Variants in CACNA1C observed in about 807,000 individuals in gnomAD.
The protein encoded by CACNA1C is voltage-dependent L-type calcium channel subunit alpha-1C.
Under a neutral mutation model 229.0 loss-of-function variants are expected in CACNA1C, and 30 were observed. The ratio of observed to expected loss-of-function variants is 0.13; its 90% confidence interval spans 0.10 to 0.18. CACNA1C has a LOEUF of 0.18. Among genes scored for constraint, CACNA1C ranks in the 10% least tolerant of loss-of-function variants. The pLI is 1.00. For synonymous variants in CACNA1C, 1,114 were observed against 1,132.5 expected (o/e 0.98, Z 0.33); for missense variants, 1,658 against 2,845.0 (o/e 0.58, Z 9.49).
In CACNA1C at chr12:2,695,875, C is replaced by G. The variant is rs567385743; in HGVS notation, c.*4676C>G. 6.6e-6 allele frequency: 1 copy of G among 152,284 alleles called. No homozygotes were observed. Among genetic ancestry groups the G allele is most frequent in the African/African-American group, 2.4e-5 (1 of 41,540 alleles). The allele number at this position is 152,284 out of a possible 1,614,324, so 9.4% of individuals were successfully genotyped here. ...GGTTTCTGCCACATCTCTACATTGA[C>G]GGGGGATGCTTGAACAACCCCCCTC... On this transcript the variant is annotated 3_prime_UTR_variant, in exon 47 of 47. Coordinates refer to ENST00000399655, the MANE Select transcript of CACNA1C (RefSeq NM_000719.7).
chr12:1,993,106 T>C, intron 1 of CACNA1C: 1 of 916,838 alleles, frequency 1.1e-6, no homozygotes, highest in Non-Finnish European at 1.8e-6. Flanking sequence ...ATTCCATCAT[T>C]AGGGCATGCA....
intron 3 of CACNA1C, among the ~76,000 whole-genome samples, chr12:2,413,223 A>G (rs2098828006): frequency 6.6e-6 from 1 of 152,080 alleles, no homozygotes; most frequent in African/African-American, 2.4e-5. Context: ...CACCATGTTG[A>G]CCAGGCTGGT....
chr12:2,115,156 CAG>C, intron 1 of CACNA1C, 66 bp from the exon 2 acceptor site: 2 of 1,236,154 alleles, frequency 1.6e-6, no homozygotes, highest in Non-Finnish European at 2.2e-6. Context: ...ATCTGGGGTC[CAG>C]AGAGTGTCGG....
chr12:2,122,839 G>C (rs991279366), intron 3 of CACNA1C, among the ~76,000 whole-genome samples: 2 of 152,204 alleles, frequency 1.3e-5, no homozygotes, highest in African/African-American at 4.8e-5. Flanking sequence ...CTGTGGACCG[G>C]TGCAGCGACC....
intron 3 of CACNA1C, among the ~76,000 whole-genome samples, chr12:2,126,685 AG>A (rs1436602304): frequency 6.6e-6 from 1 of 152,172 alleles, no homozygotes; most frequent in Non-Finnish European, 1.5e-5. Flanking sequence ...CGTCCGTCAG[AG>A]GGGCTTGAGC....
intron 3 of CACNA1C, among the ~76,000 whole-genome samples, chr12:2,129,421 AAG>A (rs1195573443): frequency 3.9e-5 from 6 of 152,202 alleles, no homozygotes; most frequent in Non-Finnish European, 7.3e-5. Context: ...CGGATGGGAA[AAG>A]AGAGATGATG....
At chr12:2,183,886 C>T (rs574488981) in intron 3 of CACNA1C, among the ~76,000 whole-genome samples, 23 of 152,316 alleles carry the variant, frequency 1.5e-4, no homozygotes, top group African/African-American at 4.1e-4. Context: ...GAAAAGTCAG[C>T]GTGGAAAATG....
At chr12:2,308,600 C>A (rs915882392) in intron 3 of CACNA1C, among the ~76,000 whole-genome samples, 1 of 152,196 alleles carries the variant, frequency 6.6e-6, no homozygotes, top group African/African-American at 2.4e-5. Flanking sequence ...GTAGTACAGT[C>A]TGAAATCAGG....
At chr12:2,414,570 C>T (rs948406260) in intron 3 of CACNA1C, among the ~76,000 whole-genome samples, 5 of 152,122 alleles carry the variant, frequency 3.3e-5, no homozygotes, top group African/African-American at 7.2e-5. Context: ...GGAAGGGCAG[C>T]GTCCTTTGAG....
At chr12:2,609,916 GA>G (rs2076908048) in intron 27 of CACNA1C, among the ~76,000 whole-genome samples, 1 of 152,144 alleles carries the variant, frequency 6.6e-6, no homozygotes, top group Admixed American at 6.5e-5. Context: ...TTGAGGCCAG[GA>G]GTTTGAGACC....
chr12:2,039,867 T>C (rs937587041), intron 1 of CACNA1C, among the ~76,000 whole-genome samples: 6 of 151,642 alleles, frequency 4.0e-5, no homozygotes, highest in Non-Finnish European at 2.9e-5. Flanking sequence ...CTTGGGTTCC[T>C]GTGGGGCATC....
intron 3 of CACNA1C, among the ~76,000 whole-genome samples, chr12:2,367,289 G>A (rs1184680862): frequency 6.6e-6 from 1 of 152,220 alleles, no homozygotes; most frequent in Non-Finnish European, 1.5e-5. Flanking sequence ...AACTCAGGGA[G>A]TCATGCTTGC....
chr12:2,230,791 A>G (rs549007034), intron 3 of CACNA1C, among the ~76,000 whole-genome samples: 1 of 152,326 alleles, frequency 6.6e-6, no homozygotes, highest in East Asian at 1.9e-4. Context: ...CTTATTTTGC[A>G]CAAGGTCCTG....
intron 18 of CACNA1C, among the ~76,000 whole-genome samples, chr12:2,588,255 G>A (rs936845417): frequency 1.3e-5 from 2 of 152,188 alleles, no homozygotes; most frequent in African/African-American, 2.4e-5. Context: ...GCTCCCAACC[G>A]CTGCCCCTTC....
intron 3 of CACNA1C, among the ~76,000 whole-genome samples, chr12:2,422,098 T>C (rs973083558): frequency 2.6e-5 from 4 of 152,140 alleles, no homozygotes; most frequent in East Asian, 1.9e-4. Context: ...TATCCCAAAA[T>C]AGAAACAAAA....
intron 9 of CACNA1C, among the ~76,000 whole-genome samples, chr12:2,531,227 G>A (rs548465706): frequency 2.2e-4 from 34 of 152,300 alleles, no homozygotes; most frequent in African/African-American, 7.9e-4. Context: ...ACCCAGGCAC[G>A]CCCCATCTGA....
intron 1 of CACNA1C, among the ~76,000 whole-genome samples, chr12:2,000,954 T>C (rs367669802): frequency 6.6e-6 from 1 of 151,940 alleles, no homozygotes; most frequent in South Asian, 2.1e-4. Context: ...GGAGAATAGC[T>C]TGAACCCAGG....
At chr12:2,435,290 C>T (rs1283341371) in intron 3 of CACNA1C, among the ~76,000 whole-genome samples, 2 of 152,246 alleles carry the variant, frequency 1.3e-5, no homozygotes, top group Non-Finnish European at 2.9e-5. Context: ...CCTTAAACTG[C>T]CGATTACCAG....
intron 3 of CACNA1C, among the ~76,000 whole-genome samples, chr12:2,200,559 G>A (rs753612465): frequency 1.3e-5 from 2 of 152,176 alleles, no homozygotes; most frequent in African/African-American, 4.8e-5. Flanking sequence ...GAGAAACCTT[G>A]TTCTGGAGTC....
Sources: gnomAD v4.1 joint callset for allele counts (sites outside exome capture counted in the v4.1 genomes callset) on GRCh38, gnomAD v4.1.1 for gene constraint, MANE v1.5 for transcripts, NCBI Gene and HGNC (gene_info 2026-07-23, HGNC 2026-07-21) for gene names.